Variants in THRAP3 observed in about 807,000 individuals in gnomAD.
THRAP3 encodes the protein thyroid hormone receptor-associated protein 3.
A neutral mutation model predicts 101.0 loss-of-function variants in THRAP3; 16 were observed. The ratio of observed to expected loss-of-function variants is 0.16; its 90% CI spans 0.11 to 0.24. The LOEUF (loss-of-function observed/expected upper bound fraction) is 0.24. Among genes scored for constraint, THRAP3 ranks in the 10% least tolerant of loss-of-function variants. The pLI is 1.00. For synonymous variants in THRAP3, 407 were observed against 422.6 expected (o/e 0.96, Z 0.45); for missense variants, 989 against 1,202.7 (o/e 0.82, Z 2.63).
At chr1:36,294,422 T>C (rs950177632) in intron 8 of THRAP3, among the ~76,000 whole-genome samples, 1 of 152,202 alleles carries the variant, frequency 6.6e-6, no homozygotes, top group African/African-American at 2.4e-5. Context: ...TTACTGTTAC[T>C]TTAAAGCTAA....
At chr1:36,298,146 C>CAAAAAAA (rs10653561) in intron 9 of THRAP3, among the ~76,000 whole-genome samples, 3 of 95,976 alleles carry the variant, frequency 3.1e-5, no homozygotes, top group Admixed American at 1.2e-4. Context: ...GACTTCATCT[C>CAAAAAAA]AAAAAAAAAA....
intron 4 of THRAP3, chr1:36,288,121 T>C: frequency 4.1e-6 from 4 of 984,904 alleles, no homozygotes; most frequent in Non-Finnish European, 4.8e-6. Flanking sequence ...TTTGAATCTG[T>C]ACTTGCCTTC....
intron 8 of THRAP3, among the ~76,000 whole-genome samples, chr1:36,296,155 G>A (rs1410410486): frequency 1.3e-5 from 2 of 151,634 alleles, no homozygotes; most frequent in African/African-American, 4.8e-5. Flanking sequence ...TGTATTTTTA[G>A]TAGAGAACAG....
In THRAP3 at chr1:36,286,592, G is replaced by A. The variant is rs1410703738; in HGVS notation, c.362G>A (p.Arg121His). 2.5e-6 allele frequency: 4 copies of A among 1,613,994 alleles called. No individual in the cohort carries two copies. The highest frequency in any genetic ancestry group is 3.4e-6 in the Non-Finnish European group (4 of 1,180,018). The change falls in exon 4 of 12, where the codon CGT becomes CAT. Residue 121 changes from arginine (R) to histidine (H), a missense_variant. By Grantham distance (29) the Arg-to-His change is conservative. Transcript: ENST00000354618. This position sits in a 1 kb window ranked among gnomAD's most constrained non-coding sequence, Gnocchi z 5.5. ...AATTACCGGCAAGCATACAGTCCTC[G>A]TCGAGGCCGTTCAAGATCCCGGTCC... is the stretch of plus-strand genomic sequence containing the variant. ...WQNYRQAYSP[R>H]RGRSRSRSPK... is the part of the protein sequence containing the mutation.
chr1:36,230,467 T>C (rs1645015920), intron 1 of THRAP3, among the ~76,000 whole-genome samples: 1 of 151,926 alleles, frequency 6.6e-6, no homozygotes, highest in South Asian at 2.1e-4. Flanking sequence ...TTCGCCAAGT[T>C]GGCCAGGTTG....
chr1:36,225,259 G>A (rs574321565), intron 1 of THRAP3, among the ~76,000 whole-genome samples: 11 of 152,288 alleles, frequency 7.2e-5, no homozygotes, highest in African/African-American at 2.6e-4. Context: ...TGTTTATGGG[G>A]AATTTGTTAC....
chr1:36,292,260 G>GTTTTTTTTTTTTTTTTTT (rs1553124853), intron 6 of THRAP3, among the ~76,000 whole-genome samples: 6 of 13,112 alleles, frequency 4.6e-4, no homozygotes, highest in Admixed American at 1.4e-3. Flanking sequence ...GTGTTTCTTT[G>GTTTTTTTTTTTTTTTTTT]TTTCTTTTTT....
chr1:36,210,182 C>T, the THRAP3 span, among the ~76,000 whole-genome samples: 5 of 151,446 alleles, frequency 3.3e-5, no homozygotes, highest in South Asian at 6.3e-4. Flanking sequence ...CTGGCTAACA[C>T]AGTGAAATCC....
the THRAP3 span, among the ~76,000 whole-genome samples, chr1:36,209,663 G>A: frequency 6.6e-6 from 1 of 152,184 alleles, no homozygotes; most frequent in African/African-American, 2.4e-5. Context: ...GTGAGGTCCA[G>A]GCTCTTGCTT....
intron 1 of THRAP3, among the ~76,000 whole-genome samples, chr1:36,239,284 G>C (rs1447324272): frequency 1.7e-5 from 2 of 119,436 alleles, no homozygotes; most frequent in Admixed American, 2.1e-4. Flanking sequence ...TTTTGAGTCA[G>C]CTTCTCGCTC....
chr1:36,298,905 C>G (rs1049800873), intron 9 of THRAP3, among the ~76,000 whole-genome samples: 1 of 152,168 alleles, frequency 6.6e-6, no homozygotes, highest in Non-Finnish European at 1.5e-5. Context: ...AGTGATCTAC[C>G]CATCTCAGCC....
chr1:36,288,796 A>G (rs2124605413), intron 4 of THRAP3: 1 of 985,444 alleles, frequency 1.0e-6, no homozygotes, highest in Middle Eastern at 5.2e-4. Flanking sequence ...CCTAAAAATA[A>G]CTTTTGTTGT....
At chr1:36,282,088 T>A (rs74958298) in intron 2 of THRAP3, among the ~76,000 whole-genome samples, 6,776 of 66,464 alleles carry the variant, frequency 0.1, 157 homozygotes, top group Non-Finnish European at 0.15. Flanking sequence ...AAAAAAAAAA[T>A]TTTTTTTTTA....
intron 2 of THRAP3, among the ~76,000 whole-genome samples, chr1:36,277,845 T>C (rs6425976): frequency 0.95 from 143,912 of 152,180 alleles, 68,586 homozygotes; most frequent in Middle Eastern, 1. Flanking sequence ...CTGCCACCTC[T>C]GCCCCCCAGG....
intron 1 of THRAP3, among the ~76,000 whole-genome samples, chr1:36,250,490 G>T (rs1645286978): frequency 6.6e-6 from 1 of 152,104 alleles, no homozygotes; most frequent in South Asian, 2.1e-4. Context: ...GGGATTACAG[G>T]CGGTATATTC....
In THRAP3 at chr1:36,289,456, A is replaced by C; in HGVS notation, c.1437A>C (p.Pro479=). The C allele has an allele frequency of 6.2e-7, 1 of 1,614,228 alleles. No homozygotes were observed. The highest frequency in any genetic ancestry group is 8.5e-7 in the Non-Finnish European group (1 of 1,180,046). Residue 479 remains proline, a synonymous_variant, in exon 5 of 12, where the codon CCA becomes CCC. Coordinates refer to ENST00000354618, the MANE Select transcript of THRAP3 (RefSeq NM_005119.4). ...GKWEGLVYAP[P]GKEKQRKTEE... is the part of the protein sequence containing the mutation. ...GGGAGGGCCTGGTATATGCACCTCC[A>C]GGGAAGGAAAAGCAGAGAAAAACAG...
chr1:36,243,229 T>G (rs1488144741), intron 1 of THRAP3, among the ~76,000 whole-genome samples: 1 of 151,358 alleles, frequency 6.6e-6, no homozygotes, highest in Admixed American at 6.6e-5. Context: ...TGATCATTCT[T>G]GGGTGTTTCT....
At chr1:36,269,026 G>A (rs564222946) in intron 2 of THRAP3, among the ~76,000 whole-genome samples, 1 of 152,404 alleles carries the variant, frequency 6.6e-6, no homozygotes, top group East Asian at 1.9e-4. Flanking sequence ...GCGCCCAGCC[G>A]AGTTAGTTTT....
At chr1:36,237,420 A>G (rs1645103539) in intron 1 of THRAP3, among the ~76,000 whole-genome samples, 1 of 145,992 alleles carries the variant, frequency 6.8e-6, no homozygotes, top group Non-Finnish European at 1.5e-5. Context: ...GTTAGCCAAA[A>G]TTGCTCCACT....
Sources: gnomAD v4.1 joint callset for allele counts (sites outside exome capture counted in the v4.1 genomes callset) on GRCh38, gnomAD v4.1.1 for gene constraint, Gnocchi (gnomAD v3.1) non-coding constraint, MANE v1.5 for transcripts, NCBI Gene and HGNC (gene_info 2026-07-23, HGNC 2026-07-21) for gene names.